The following TMEM163 variants were observed in gnomAD, a reference collection of about 807,000 sequenced individuals.
TMEM163 encodes the protein transmembrane protein 163.
TMEM163 carries 17 observed loss-of-function variants against 29.3 expected under a neutral mutation model. That is an observed-to-expected ratio of 0.58 (90% confidence interval 0.40 to 0.87). The LOEUF is 0.87. Among genes scored for constraint, TMEM163 ranks in the 40% least tolerant of loss-of-function variants. The probability of loss-of-function intolerance (pLI) is 0.00; values close to 1 mark genes in which losing one functional copy is unlikely to be tolerated. For missense variants in TMEM163, 303 were observed against 381.5 expected (o/e 0.79, Z 1.71); for synonymous variants, 157 against 160.6 (o/e 0.98, Z 0.17).
Position 134,578,610 on chromosome 2 carries a change from A to G in TMEM163, c.323-26519T>C, listed in dbSNP as rs562052451. Among the ~76,000 whole-genome samples, 18 of 152,276 alleles carry G rather than the reference A, an allele frequency of 1.2e-4. No individual in the cohort carries two copies. The East Asian group carries it at 3.1e-3, about 26-fold the overall frequency. On this transcript the variant is annotated intron_variant, in intron 2 of 7. Transcript: ENST00000281924. The stretch of plus-strand genomic sequence containing the variant: ...CCCCCACAGTACAATTAGTGTGAAA[A>G]ATACTATGCACAACCAAAGTAATAC...
chr2:134,512,533 G>A (rs111410733), intron 4 of TMEM163, among the ~76,000 whole-genome samples: 2 of 152,196 alleles, frequency 1.3e-5, no homozygotes, highest in African/African-American at 4.8e-5. Flanking sequence ...ACTTGATAAA[G>A]AGGAGTGAAA....
At chr2:134,596,819 G>T (rs1682095766) in intron 2 of TMEM163, among the ~76,000 whole-genome samples, 1 of 152,030 alleles carries the variant, frequency 6.6e-6, no homozygotes, top group Non-Finnish European at 1.5e-5. Context: ...TCCTTGAAGA[G>T]GTCCTTCACA....
Position 134,456,741 on chromosome 2 carries a change from G to A in TMEM163, c.845C>T (p.Thr282Ile), listed in dbSNP as rs760512745. Residue 282 changes from threonine (T) to isoleucine (I), a missense_variant, in exon 8 of 8, where the codon ACA becomes ATA. Coordinates refer to ENST00000281924, the MANE Select transcript of TMEM163 (RefSeq NM_030923.5). Reference protein sequence around the residue: ...LIDMVPRVRQTRHYEMFE With the variant: ...LIDMVPRVRQIRHYEMFE ...TCACTCAAACATCTCGTAGTGACGT[G>A]TCTGCCTCACCCTCGGCACCATGTC... The A allele has an allele frequency of 8.1e-6, 13 of 1,613,510 alleles. No individual in the cohort carries two copies. In the Admixed American group the frequency reaches 1.2e-4, roughly 14 times the overall value.
chr2:134,621,758 G>A (rs1359188010), intron 2 of TMEM163, among the ~76,000 whole-genome samples: 4 of 152,236 alleles, frequency 2.6e-5, no homozygotes, highest in Admixed American at 6.5e-5. Flanking sequence ...GGGCGTGGTG[G>A]CAGGCGCCTG....
intron 2 of TMEM163, among the ~76,000 whole-genome samples, chr2:134,553,903 C>T (rs918359345): frequency 5.3e-5 from 8 of 152,208 alleles, no homozygotes; most frequent in African/African-American, 1.2e-4. Context: ...CTGCAAGCAC[C>T]GAGGCGGCCT....
chr2:134,511,974 T>C (rs1421659161), intron 4 of TMEM163, among the ~76,000 whole-genome samples: 1 of 152,210 alleles, frequency 6.6e-6, no homozygotes, highest in Non-Finnish European at 1.5e-5. Context: ...AAGCCTGCTT[T>C]AGGAAAAAAT....
chr2:134,514,461 T>TTGTTTTGGG (rs1157103455), intron 4 of TMEM163, among the ~76,000 whole-genome samples: 1 of 151,834 alleles, frequency 6.6e-6, no homozygotes, highest in Non-Finnish European at 1.5e-5. Context: ...GTTTACAAAT[T>TTGTTTTGGG]TGTTTTGGGC....
intron 2 of TMEM163, among the ~76,000 whole-genome samples, chr2:134,621,616 C>T (rs1397498993): frequency 2.6e-5 from 4 of 152,046 alleles, no homozygotes; most frequent in African/African-American, 9.7e-5. Context: ...GTGGGCCGGG[C>T]GTGGTGGCTC....
At chr2:134,466,086 A>C in intron 6 of TMEM163, 28 bp downstream of exon 6, 3 of 1,556,122 alleles carry the variant, frequency 1.9e-6, no homozygotes, top group Non-Finnish European at 2.6e-6. Flanking sequence ...CCCAGCCCCC[A>C]GAGATTAGGC....
intron 2 of TMEM163, among the ~76,000 whole-genome samples, chr2:134,578,432 G>T (rs571809498): frequency 6.6e-6 from 1 of 152,180 alleles, no homozygotes; most frequent in Non-Finnish European, 1.5e-5. Flanking sequence ...AATGTAACGC[G>T]TGATGTTCCT....
chr2:134,596,720 C>G (rs1682092708), intron 2 of TMEM163, among the ~76,000 whole-genome samples: 1 of 151,870 alleles, frequency 6.6e-6, no homozygotes, highest in African/African-American at 2.4e-5. Flanking sequence ...GCCATTTTCA[C>G]AATATTGATT....
At chr2:134,522,318 C>T (rs1680206619) in intron 4 of TMEM163, among the ~76,000 whole-genome samples, 1 of 152,236 alleles carries the variant, frequency 6.6e-6, no homozygotes, top group South Asian at 2.1e-4. Flanking sequence ...GGAAAGAAAG[C>T]AGCATAAAAC....
intron 2 of TMEM163, among the ~76,000 whole-genome samples, chr2:134,650,102 G>C (rs1483846146): frequency 6.6e-6 from 1 of 150,724 alleles, no homozygotes; most frequent in African/African-American, 2.4e-5. Context: ...GGAAGGTATA[G>C]GGCAATACGC....
intron 1 of TMEM163, among the ~76,000 whole-genome samples, chr2:134,715,854 G>A (rs1685027231): frequency 6.6e-6 from 1 of 152,204 alleles, no homozygotes; most frequent in African/African-American, 2.4e-5. Flanking sequence ...CCTACCCATA[G>A]CTGGCCCCCA....
At chr2:134,627,200 C>T (rs2104829360) in intron 2 of TMEM163, among the ~76,000 whole-genome samples, 1 of 152,254 alleles carries the variant, frequency 6.6e-6, no homozygotes, top group East Asian at 1.9e-4. Context: ...GTCTCTGGTA[C>T]AGTAGGGCAT....
chr2:134,680,532 C>T (rs976989374), intron 2 of TMEM163, among the ~76,000 whole-genome samples: 5 of 152,186 alleles, frequency 3.3e-5, no homozygotes, highest in African/African-American at 1.2e-4. Flanking sequence ...CTTTCACTTT[C>T]TTATTAACTA....
chr2:134,701,916 C>CAAAAAA (rs71301801), intron 2 of TMEM163, among the ~76,000 whole-genome samples: 65 of 66,522 alleles, frequency 9.8e-4, no homozygotes, highest in African/African-American at 2.5e-3. Flanking sequence ...AAAACTGTCT[C>CAAAAAA]AAAAAAAAAA....
At chr2:134,662,137 G>A (rs1404269410) in intron 2 of TMEM163, among the ~76,000 whole-genome samples, 4 of 151,680 alleles carry the variant, frequency 2.6e-5, no homozygotes, top group Admixed American at 6.6e-5. Flanking sequence ...GGGTTTCACC[G>A]TGTTAGCCAG....
At chr2:134,578,239 A>C (rs1189195876) in intron 2 of TMEM163, among the ~76,000 whole-genome samples, 1 of 152,170 alleles carries the variant, frequency 6.6e-6, no homozygotes, top group Non-Finnish European at 1.5e-5. Context: ...TTGCTCAAAA[A>C]AGAAAAGTCC....
Sources: gnomAD v4.1 joint callset for allele counts (sites outside exome capture counted in the v4.1 genomes callset) on GRCh38, gnomAD v4.1.1 for gene constraint, MANE v1.5 for transcripts, NCBI Gene and HGNC (gene_info 2026-07-23, HGNC 2026-07-21) for gene names.